Variants in ASCC1 observed in about 807,000 individuals in gnomAD.
The protein encoded by ASCC1 is activating signal cointegrator 1 complex subunit 1.
Under a neutral mutation model 46.6 loss-of-function variants are expected in ASCC1, and 35 were observed. The ratio of observed to expected loss-of-function variants is 0.75; its 90% CI spans 0.57 to 0.99. The LOEUF (loss-of-function observed/expected upper bound fraction) is 0.99. Among genes scored for constraint, ASCC1 ranks in the 50% least tolerant of loss-of-function variants. The pLI is 0.00. For missense variants in ASCC1, 376 were observed against 428.7 expected (o/e 0.88, Z 1.09); for synonymous variants, 143 against 146.6 (o/e 0.98, Z 0.18).
At chr10:72,164,562 T>C (rs546390768) in intron 5 of ASCC1, among the ~76,000 whole-genome samples, 49 of 152,248 alleles carry the variant, frequency 3.2e-4, no homozygotes, top group Admixed American at 9.8e-4. Flanking sequence ...TTTTTGCACC[T>C]TTGCTATTAG....
chr10:72,152,264 A>G (rs1848453976), intron 7 of ASCC1, among the ~76,000 whole-genome samples: 2 of 148,784 alleles, frequency 1.3e-5, no homozygotes, highest in South Asian at 2.1e-4. Context: ...CCTGGGCTTA[A>G]AGCAGTCCAC....
rs111590542 is a variant in ASCC1, at chr10:72,132,233, C to T, written c.871+824G>A. Among the ~76,000 whole-genome samples the T allele has an allele frequency of 3.4e-3, 519 of 152,140 alleles. 8 individuals are homozygous for T. Among genetic ancestry groups the T allele is most frequent in the African/African-American group, 0.011 (473 of 41,496 alleles). On this transcript the variant is annotated intron_variant, in intron 8 of 9. Transcript: ENST00000672957. The stretch of plus-strand genomic sequence containing the variant: ...AAGGAAATGAAACCGGAATACGTGA[C>T]CTTGGTGCTGCTAGTGTATTTTGAA...
chr10:72,103,705 C>A (rs938120197), intron 9 of ASCC1, among the ~76,000 whole-genome samples: 5 of 152,078 alleles, frequency 3.3e-5, no homozygotes, highest in Non-Finnish European at 7.4e-5. Context: ...GACCCTCATT[C>A]GACAGATACC....
chr10:72,173,524 A>T (rs988752318), intron 5 of ASCC1, among the ~76,000 whole-genome samples: 3 of 152,206 alleles, frequency 2.0e-5, no homozygotes, highest in Non-Finnish European at 2.9e-5. Context: ...ATGAGTCATA[A>T]GGGTTCAAAT....
intron 3 of ASCC1, among the ~76,000 whole-genome samples, chr10:72,206,009 C>T (rs975144878): frequency 2.0e-5 from 3 of 150,928 alleles, no homozygotes; most frequent in East Asian, 2.0e-4. Context: ...GAGGCTGAGG[C>T]GGGAGAATCA....
chr10:72,187,049 A>G (rs1853564430), intron 5 of ASCC1, among the ~76,000 whole-genome samples: 1 of 152,042 alleles, frequency 6.6e-6, no homozygotes, highest in African/African-American at 2.4e-5. Context: ...AGCTTCAACT[A>G]GTTTGCATTT....
intron 3 of ASCC1, among the ~76,000 whole-genome samples, chr10:72,203,897 T>A (rs1057191880): frequency 4.6e-5 from 7 of 152,142 alleles, no homozygotes; most frequent in Non-Finnish European, 8.8e-5. Context: ...GTGGGAGAAC[T>A]GCTTGAGACC....
chr10:72,154,970 C>T (rs1390203431), intron 6 of ASCC1, among the ~76,000 whole-genome samples: 1 of 151,986 alleles, frequency 6.6e-6, no homozygotes, highest in Non-Finnish European at 1.5e-5. Context: ...ATATAAAAAA[C>T]ATTAAAAACT....
At chr10:72,161,061 C>G (rs1462652665) in intron 6 of ASCC1, among the ~76,000 whole-genome samples, 3 of 151,424 alleles carry the variant, frequency 2.0e-5, no homozygotes, top group Non-Finnish European at 2.9e-5. Context: ...CCAGCCTGGG[C>G]GACAGAGCAA....
chr10:72,148,236 T>C (rs905483564), intron 7 of ASCC1, among the ~76,000 whole-genome samples: 10 of 152,096 alleles, frequency 6.6e-5, no homozygotes, highest in Non-Finnish European at 1.2e-4. Flanking sequence ...TGGCAGTATG[T>C]ATAAAACACC....
chr10:72,172,221 C>G (rs1851186703), intron 5 of ASCC1, among the ~76,000 whole-genome samples: 1 of 151,860 alleles, frequency 6.6e-6, no homozygotes, highest in South Asian at 2.1e-4. Flanking sequence ...CGAGACCAGC[C>G]TGGGCAACAT....
chr10:72,122,420 A>G (rs1474554382), intron 9 of ASCC1, among the ~76,000 whole-genome samples: 44 of 134,400 alleles, frequency 3.3e-4, no homozygotes, highest in Admixed American at 7.4e-4. Flanking sequence ...ACGCAGTCTC[A>G]AAAAAAAAAA....
At chr10:72,127,991 G>C in intron 9 of ASCC1, 91 bp downstream of exon 9, 1 of 1,009,028 alleles carries the variant, frequency 9.9e-7, no homozygotes, top group Non-Finnish European at 1.6e-6. Context: ...GTATGAAGAA[G>C]TATGAAGAAA....
At chr10:72,206,674 G>A (rs1037427962) in intron 3 of ASCC1, among the ~76,000 whole-genome samples, 2 of 152,044 alleles carry the variant, frequency 1.3e-5, no homozygotes, top group Non-Finnish European at 2.9e-5. Context: ...TCCAAACTAC[G>A]GAATCCGGCT....
intron 9 of ASCC1, among the ~76,000 whole-genome samples, chr10:72,106,975 G>A (rs1842404971): frequency 1.3e-5 from 2 of 152,142 alleles, no homozygotes; most frequent in Admixed American, 6.5e-5. Flanking sequence ...TCCTTAGGCT[G>A]TGCATATACA....
intron 3 of ASCC1, among the ~76,000 whole-genome samples, chr10:72,205,436 G>A (rs1857067565): frequency 6.6e-6 from 1 of 152,164 alleles, no homozygotes; most frequent in African/African-American, 2.4e-5. Flanking sequence ...ATCGAGGCCA[G>A]CCTGGCCAAC....
At chr10:72,149,437 CAAAAAAA>C (rs11297879) in intron 7 of ASCC1, among the ~76,000 whole-genome samples, 17 of 52,690 alleles carry the variant, frequency 3.2e-4, no homozygotes, top group South Asian at 8.4e-4. Flanking sequence ...GACTCCGTCA[CAAAAAAA>C]AAAAAAAAAA....
At chr10:72,194,806 G>A (rs7902501) in intron 5 of ASCC1, among the ~76,000 whole-genome samples, 20,824 of 151,034 alleles carry the variant, frequency 0.14, 4,073 homozygotes, top group African/African-American at 0.43. Flanking sequence ...GCAAAGGTGC[G>A]ATCTCGGCTC....
chr10:72,154,017 A>G (rs1442887142), intron 6 of ASCC1, among the ~76,000 whole-genome samples: 1 of 152,122 alleles, frequency 6.6e-6, no homozygotes, highest in African/African-American at 2.4e-5. Context: ...CACTGCGCTC[A>G]GCCTGATATC....
Sources: gnomAD v4.1 joint callset for allele counts (sites outside exome capture counted in the v4.1 genomes callset) on GRCh38, gnomAD v4.1.1 for gene constraint, MANE v1.5 for transcripts, NCBI Gene and HGNC (gene_info 2026-07-23, HGNC 2026-07-21) for gene names.